DNM3: variants seen among roughly 807,000 people sequenced by gnomAD.
The protein encoded by DNM3 is dynamin 3.
DNM3 carries 47 observed loss-of-function variants against 101.6 expected under a neutral mutation model. The observed-to-expected ratio is 0.46, with a 90% CI of 0.37 to 0.59. The LOEUF (loss-of-function observed/expected upper bound fraction) is 0.59. Ranked by LOEUF, DNM3 falls within the 20% of genes least tolerant of loss-of-function variation. The pLI, the probability that DNM3 is intolerant of heterozygous loss-of-function variation, is 0.00. For missense variants in DNM3, 849 were observed against 1,085.7 expected (o/e 0.78, Z 3.06); for synonymous variants, 385 against 387.9 (o/e 0.99, Z 0.09).
chr1:172,249,742 T>C (rs905571759), intron 14 of DNM3, among the ~76,000 whole-genome samples: 4 of 151,570 alleles, frequency 2.6e-5, no homozygotes, highest in Non-Finnish European at 5.9e-5. Flanking sequence ...ATGTTTAAAA[T>C]ATCAAATTTC....
intron 15 of DNM3, among the ~76,000 whole-genome samples, chr1:172,260,089 G>A (rs1158843535): frequency 1.3e-5 from 2 of 152,010 alleles, no homozygotes; most frequent in East Asian, 1.9e-4. Flanking sequence ...GGATAATTTT[G>A]CTGGGCATAA....
Position 171,964,923 on chromosome 1 carries a change from A to C in DNM3, c.236-22733A>C, listed in dbSNP as rs2043466348. Among the ~76,000 whole-genome samples, 7 of 151,922 alleles carry C rather than the reference A, an allele frequency of 4.6e-5. No individual in the cohort carries two copies. The South Asian group carries it at 1.5e-3, about 32-fold the overall frequency. On this transcript the variant is annotated intron_variant, in intron 2 of 20. Transcript: ENST00000627582. ...TGTGTCTCTGCTTATGACACTTCTA[A>C]CACTGAATGTGTGGATTTTCTAACC...
chr1:171,985,450 G>T (rs1201287143), intron 2 of DNM3, among the ~76,000 whole-genome samples: 1 of 152,168 alleles, frequency 6.6e-6, no homozygotes, highest in Non-Finnish European at 1.5e-5. Flanking sequence ...TAAAGACAGT[G>T]CCTATGAGGG....
At chr1:172,037,167 T>C (rs2049031708) in intron 6 of DNM3, among the ~76,000 whole-genome samples, 1 of 152,022 alleles carries the variant, frequency 6.6e-6, no homozygotes, top group Non-Finnish European at 1.5e-5. Context: ...TGTGGAGAAA[T>C]AGGAACACTT....
intron 1 of DNM3, among the ~76,000 whole-genome samples, chr1:171,872,146 C>T (rs1368763262): frequency 6.6e-6 from 1 of 152,008 alleles, no homozygotes; most frequent in Non-Finnish European, 1.5e-5. Flanking sequence ...TGACAGAGAT[C>T]ATCACATTTG....
intron 10 of DNM3, among the ~76,000 whole-genome samples, chr1:172,051,666 C>T (rs78901996): frequency 6.6e-6 from 1 of 152,348 alleles, no homozygotes; most frequent in Non-Finnish European, 1.5e-5. Flanking sequence ...TTAGTGTCCA[C>T]TTCACTGCTG....
chr1:172,176,010 C>T (rs763642227), intron 14 of DNM3, among the ~76,000 whole-genome samples: 18 of 151,696 alleles, frequency 1.2e-4, no homozygotes, highest in Non-Finnish European at 2.4e-4. Flanking sequence ...CCAACCCTCC[C>T]AAGGGTGTCC....
Position 172,118,143 on chromosome 1 carries a change from A to G in DNM3, c.1546-13032A>G, listed in dbSNP as rs146519330. On this transcript the variant is annotated intron_variant, in intron 13 of 20. Coordinates refer to ENST00000627582, the MANE Select transcript of DNM3 (RefSeq NM_015569.5). ...GAAGGAAGGTCCTTGATTCCTTCAC[A>G]TTGGAAGAGATTTAAAACTAGGATT... is the stretch of plus-strand genomic sequence containing the variant. Among the ~76,000 whole-genome samples, 192 of 152,352 alleles carry G rather than the reference A, an allele frequency of 1.3e-3. 1 individual carries two copies. The highest frequency in any genetic ancestry group is 2.3e-3 in the South Asian group (11 of 4,828).
chr1:172,153,951 A>G (rs1301875368), intron 14 of DNM3, among the ~76,000 whole-genome samples: 1 of 152,126 alleles, frequency 6.6e-6, no homozygotes, highest in Non-Finnish European at 1.5e-5. Flanking sequence ...GGTTCCAAAG[A>G]ATATTGCATA....
chr1:171,952,974 G>A (rs1385936245), intron 2 of DNM3, among the ~76,000 whole-genome samples: 3 of 152,270 alleles, frequency 2.0e-5, no homozygotes, highest in African/African-American at 4.8e-5. Flanking sequence ...AATTCAGAGA[G>A]TTAGTTATTA....
At position 172,411,706 on chromosome 1, in the gene DNM3, A is replaced by C. The variant is rs1475210037; in HGVS notation, c.*3865A>C. 3.0e-6 allele frequency: 3 copies of C among 985,322 alleles called. No individual in the cohort carries two copies. Among genetic ancestry groups the C allele is most frequent in the Non-Finnish European group, 3.6e-6 (3 of 829,826 alleles). The allele number at this position is 985,322 out of a possible 1,614,324, so 61.0% of individuals were successfully genotyped here. ...GGCATAATTATTTGAAAGTGACAGGAATCTCCTCAGAATGAAGAATAAAGC... is the reference window on the plus strand; with the variant it reads ...GGCATAATTATTTGAAAGTGACAGGCATCTCCTCAGAATGAAGAATAAAGC... On this transcript the variant is annotated 3_prime_UTR_variant, in exon 21 of 21. Transcript: ENST00000627582.
intron 14 of DNM3, among the ~76,000 whole-genome samples, chr1:172,146,754 T>A (rs1051363239): frequency 6.6e-6 from 1 of 152,150 alleles, no homozygotes; most frequent in East Asian, 1.9e-4. Flanking sequence ...GACCTGCTTC[T>A]GCCACAGAAA....
chr1:171,960,754 G>A (rs2043164552), intron 2 of DNM3, among the ~76,000 whole-genome samples: 1 of 152,136 alleles, frequency 6.6e-6, no homozygotes, highest in Non-Finnish European at 1.5e-5. Context: ...TGAGCTCAGG[G>A]GCCCAGGCAG....
At chr1:171,977,847 G>C (rs2044492726) in intron 2 of DNM3, among the ~76,000 whole-genome samples, 1 of 152,116 alleles carries the variant, frequency 6.6e-6, no homozygotes, top group South Asian at 2.1e-4. Flanking sequence ...CTTCCACACG[G>C]TGGCTTCAAT....
intron 4 of DNM3, among the ~76,000 whole-genome samples, chr1:171,996,986 C>G (rs1022112770): frequency 1.3e-5 from 2 of 151,824 alleles, no homozygotes. Context: ...GAGCTGTGAT[C>G]ACGCTACTGC....
intron 13 of DNM3, among the ~76,000 whole-genome samples, chr1:172,123,851 G>A (rs1447920303): frequency 6.6e-6 from 1 of 152,074 alleles, no homozygotes; most frequent in Non-Finnish European, 1.5e-5. Context: ...CAGGGCTGTG[G>A]CTATCCCTCT....
intron 1 of DNM3, among the ~76,000 whole-genome samples, chr1:171,885,698 T>C (rs1278354766): frequency 6.6e-6 from 1 of 152,132 alleles, no homozygotes; most frequent in Non-Finnish European, 1.5e-5. Context: ...TTCTAACCCA[T>C]GTAGCAGGAA....
chr1:172,133,427 T>G, intron 14 of DNM3: 10 of 985,712 alleles, frequency 1.0e-5, no homozygotes, highest in Non-Finnish European at 1.2e-5. Context: ...CTGTGTGCTG[T>G]GTATAACCAA....
intron 14 of DNM3, among the ~76,000 whole-genome samples, chr1:172,176,926 G>C (rs771850621): frequency 6.6e-6 from 1 of 151,660 alleles, no homozygotes; most frequent in African/African-American, 2.4e-5. Context: ...AGTAAATTTA[G>C]ATAATAATAT....
Sources: allele counts gnomAD v4.1 joint callset (sites outside exome capture counted in the v4.1 genomes callset), GRCh38; gene constraint gnomAD v4.1.1; transcripts MANE v1.5; gene names NCBI Gene and HGNC (gene_info 2026-07-23, HGNC 2026-07-21).